Variants in RIMS2 observed in about 807,000 individuals in gnomAD.
RIMS2 encodes the protein regulating synaptic membrane exocytosis protein 2.
In RIMS2, 59 loss-of-function variants were observed where a neutral mutation model predicts 174.4. The observed-to-expected ratio is 0.34, with a 90% CI of 0.27 to 0.42. The LOEUF (loss-of-function observed/expected upper bound fraction) is 0.42, where lower values mean the gene tolerates loss of function less well. Ranked by LOEUF, RIMS2 falls within the 10% of genes least tolerant of loss-of-function variation. RIMS2 has a pLI of 1.00. For missense variants in RIMS2, 1,620 were observed against 1,666.3 expected (o/e 0.97, Z 0.48); for synonymous variants, 606 against 572.5 (o/e 1.06, Z -0.84).
intron 3 of RIMS2, among the ~76,000 whole-genome samples, chr8:103,819,822 G>A (rs552918427): frequency 1.3e-5 from 2 of 152,124 alleles, no homozygotes; most frequent in East Asian, 1.9e-4. Context: ...ACCAGAAAAA[G>A]CATCTTAAAT....
At chr8:103,707,487 A>G (rs1196249913) in intron 2 of RIMS2, among the ~76,000 whole-genome samples, 1 of 152,192 alleles carries the variant, frequency 6.6e-6, no homozygotes, top group Admixed American at 6.5e-5. Flanking sequence ...TTTCAGCACT[A>G]GAGGGCACTC....
chr8:104,198,619 A>G (rs955318064), intron 19 of RIMS2, among the ~76,000 whole-genome samples: 4 of 152,220 alleles, frequency 2.6e-5, no homozygotes, highest in African/African-American at 7.2e-5. Flanking sequence ...AAAGAAAAAT[A>G]TTTACTTTTC....
At chr8:103,936,683 A>G in exon 13 of RIMS2, 1 of 1,610,038 alleles carries the variant, frequency 6.2e-7, no homozygotes, top group Non-Finnish European at 8.5e-7. Flanking sequence ...TTTGGGATCA[A>G]GCTCGTGTTC....
chr8:103,570,401 TC>T (rs1442790599), intron 1 of RIMS2, among the ~76,000 whole-genome samples: 7 of 152,206 alleles, frequency 4.6e-5, no homozygotes, highest in Non-Finnish European at 8.8e-5. Context: ...TTTTTTGAGT[TC>T]TTTAAATGAG....
chr8:103,517,009 A>G (rs879468202), intron 1 of RIMS2, among the ~76,000 whole-genome samples: 1 of 152,248 alleles, frequency 6.6e-6, no homozygotes, highest in Non-Finnish European at 1.5e-5. Context: ...CTTTAAACAA[A>G]TGCATTTTGA....
At chr8:103,537,452 T>G (rs1302162454) in intron 1 of RIMS2, among the ~76,000 whole-genome samples, 1 of 152,222 alleles carries the variant, frequency 6.6e-6, no homozygotes, top group Non-Finnish European at 1.5e-5. Flanking sequence ...TTTAGTAAGA[T>G]CTAATGTATT....
At chr8:104,016,334 C>A (rs2095904491) in intron 19 of RIMS2, among the ~76,000 whole-genome samples, 2 of 152,038 alleles carry the variant, frequency 1.3e-5, no homozygotes, top group African/African-American at 2.4e-5. Context: ...ATTCGTATTT[C>A]TGTAACCTAT....
At position 104,231,411 on chromosome 8, in the gene RIMS2, TAA is replaced by T. The variant is rs371310379; in HGVS notation, c.3335-13504_3335-13503del. On this transcript the variant is annotated intron_variant, in intron 19 of 23. Coordinates refer to ENST00000504942, the Ensembl canonical transcript of RIMS2. ...CCCAAGGCTAGTAATTCTATGAAAC[TAA>T]GTCTTCTTGCTCTTTGTCTCCAAAG... is the stretch of plus-strand genomic sequence containing the variant. 5.9e-5 allele frequency among the ~76,000 whole-genome samples: 9 copies of T among 152,296 alleles called. No individual in the cohort carries two copies. In the East Asian group the frequency reaches 1.5e-3, roughly 26 times the overall value.
At chr8:103,807,606 T>G (rs2098658614) in intron 3 of RIMS2, among the ~76,000 whole-genome samples, 1 of 152,172 alleles carries the variant, frequency 6.6e-6, no homozygotes, top group African/African-American at 2.4e-5. Flanking sequence ...ACTGATAACT[T>G]GATTCACATA....
rs559973900 is a variant in RIMS2 at position 104,011,659 on chromosome 8, G to A, written c.3045-1783G>A. ...CACTTTCCACTTGGAAAAATTTCTT[G>A]ATGGAATCAGAATAAATGAAATTGT... On this transcript the variant is annotated intron_variant, in intron 17 of 23. Transcript: ENST00000504942. Among the ~76,000 whole-genome samples the A allele has an allele frequency of 1.8e-4, 27 of 152,008 alleles. No individual in the cohort carries two copies. In the South Asian group the frequency reaches 4.4e-3, roughly 25 times the overall value.
intron 19 of RIMS2, among the ~76,000 whole-genome samples, chr8:104,214,824 C>T (rs1351689141): frequency 6.6e-6 from 1 of 152,142 alleles, no homozygotes; most frequent in Non-Finnish European, 1.5e-5. Context: ...GGCTACTTTG[C>T]CCACAGCCTT....
intron 19 of RIMS2, among the ~76,000 whole-genome samples, chr8:104,178,068 C>G (rs907021868): frequency 6.6e-6 from 1 of 152,096 alleles, no homozygotes; most frequent in Non-Finnish European, 1.5e-5. Flanking sequence ...AATGTAGAGG[C>G]TCAAAACAAT....
In RIMS2 at chr8:103,719,224, GA is replaced by G. The variant is rs373294454; in HGVS notation, c.387+21929del. On this transcript the variant is annotated intron_variant, in intron 2 of 23. Coordinates refer to ENST00000504942, the Ensembl canonical transcript of RIMS2. ...CAAGAGCACTGGAGTCATTAGTCAT[GA>G]CATTGTCAAGCCACTGATTCAATGT... Among the ~76,000 whole-genome samples, 642 of 152,318 alleles carry G rather than the reference GA, an allele frequency of 4.2e-3. 4 individuals carry two copies. Among genetic ancestry groups the G allele is most frequent in the African/African-American group, 0.015 (611 of 41,560 alleles).
At chr8:103,909,074 C>G (rs573109339) in intron 4 of RIMS2, among the ~76,000 whole-genome samples, 1 of 152,078 alleles carries the variant, frequency 6.6e-6, no homozygotes, top group South Asian at 2.1e-4. Context: ...TTTGCTGACC[C>G]CAAAGTCTAA....
intron 20 of RIMS2, among the ~76,000 whole-genome samples, chr8:104,246,887 G>A (rs1341653353): frequency 1.3e-5 from 2 of 152,140 alleles, no homozygotes; most frequent in African/African-American, 2.4e-5. Flanking sequence ...TAGACTTTAT[G>A]TATTGTAAGG....
At position 103,601,791 on chromosome 8, in the gene RIMS2, T is replaced by G. The variant is rs565254329; in HGVS notation, c.177-95295T>G. 1.0e-3 allele frequency among the ~76,000 whole-genome samples: 157 copies of G among 152,302 alleles called. 1 individual carries two copies. Among genetic ancestry groups the G allele is most frequent in the African/African-American group, 3.3e-3 (137 of 41,580 alleles). ...TGGTTTTATGATTTACTTTTTGCTT[T>G]TTATTTTTTATGTATCTGTTCTGTT... On this transcript the variant is annotated intron_variant, in intron 1 of 23. Transcript: ENST00000504942.
intron 14 of RIMS2, among the ~76,000 whole-genome samples, chr8:103,951,804 G>A (rs559081779): frequency 6.6e-6 from 1 of 152,346 alleles, no homozygotes; most frequent in South Asian, 2.1e-4. Context: ...AAGTGGTCTG[G>A]CTCAGCGGAT....
chr8:103,891,108 G>T (rs1247739342), intron 4 of RIMS2, among the ~76,000 whole-genome samples: 1 of 151,782 alleles, frequency 6.6e-6, no homozygotes, highest in Non-Finnish European at 1.5e-5. Context: ...CACTTCATTG[G>T]GTCTCCTCCC....
At chr8:103,949,060 G>A (rs1490838157) in intron 14 of RIMS2, among the ~76,000 whole-genome samples, 3 of 146,432 alleles carry the variant, frequency 2.0e-5, no homozygotes, top group South Asian at 2.2e-4. Flanking sequence ...CTGGGAGGTC[G>A]AGGCTGCAGT....
Sources: gnomAD v4.1 joint callset for allele counts (sites outside exome capture counted in the v4.1 genomes callset) on GRCh38, gnomAD v4.1.1 for gene constraint, MANE v1.5 for transcripts, NCBI Gene and HGNC (gene_info 2026-07-23, HGNC 2026-07-21) for gene names.